Variants in ZNF385D observed in about 807,000 individuals in gnomAD.
The protein encoded by ZNF385D is zinc finger protein 385D.
ZNF385D carries 15 observed loss-of-function variants against 35.8 expected under a neutral mutation model. The ratio of observed to expected loss-of-function variants is 0.42; its 90% CI spans 0.28 to 0.64. The LOEUF (loss-of-function observed/expected upper bound fraction) is 0.64, where lower values mean the gene tolerates loss of function less well. ZNF385D is among the 30% of genes least tolerant of loss of function. The pLI is 0.23. For synonymous variants in ZNF385D, 212 were observed against 186.8 expected (o/e 1.13, Z -1.10); for missense variants, 474 against 494.6 (o/e 0.96, Z 0.39).
intron 2 of ZNF385D, among the ~76,000 whole-genome samples, chr3:21,613,269 T>C (rs999432434): frequency 2.7e-4 from 41 of 151,962 alleles, no homozygotes; most frequent in Admixed American, 3.3e-4. Flanking sequence ...CCATGAGCCC[T>C]ATTCTAAAAA....
chr3:21,569,922 A>AGGGGGG (rs1575210384), intron 2 of ZNF385D, among the ~76,000 whole-genome samples: 4 of 115,332 alleles, frequency 3.5e-5, no homozygotes, highest in South Asian at 3.3e-4. Flanking sequence ...GTGGGGGGGC[A>AGGGGGG]GGGAGGGATA....
intron 2 of ZNF385D, among the ~76,000 whole-genome samples, chr3:22,234,343 C>T (rs752457968): frequency 2.0e-5 from 3 of 152,086 alleles, no homozygotes; most frequent in Non-Finnish European, 4.4e-5. Context: ...CAAAGATCAC[C>T]CTAGTGCTTT....
chr3:22,021,375 A>T (rs536430012), intron 3 of ZNF385D, among the ~76,000 whole-genome samples: 2 of 152,124 alleles, frequency 1.3e-5, no homozygotes, highest in Non-Finnish European at 2.9e-5. Flanking sequence ...CCACAACACA[A>T]ATAGGCTTTC....
chr3:22,139,955 C>T (rs1378389384), intron 3 of ZNF385D, among the ~76,000 whole-genome samples: 1 of 152,152 alleles, frequency 6.6e-6, no homozygotes, highest in Non-Finnish European at 1.5e-5. Context: ...TGACAGGTTA[C>T]ATCAAGAACT....
At chr3:21,921,366 T>C (rs1266579333) in intron 3 of ZNF385D, among the ~76,000 whole-genome samples, 5 of 152,104 alleles carry the variant, frequency 3.3e-5, no homozygotes, top group Admixed American at 2.0e-4. Flanking sequence ...ACTATAGAAA[T>C]TGATGCTATT....
intron 3 of ZNF385D, among the ~76,000 whole-genome samples, chr3:22,097,469 A>T (rs964926153): frequency 1.3e-5 from 2 of 152,062 alleles, no homozygotes; most frequent in Non-Finnish European, 2.9e-5. Context: ...GGAAACTGGA[A>T]GAAATTGAGA....
intron 2 of ZNF385D, among the ~76,000 whole-genome samples, chr3:22,354,256 T>C (rs1696049976): frequency 6.6e-6 from 1 of 152,022 alleles, no homozygotes; most frequent in Non-Finnish European, 1.5e-5. Context: ...TCTCAGTTTC[T>C]TCAGTTTTTT....
At chr3:22,261,199 A>G (rs1320142972) in intron 2 of ZNF385D, among the ~76,000 whole-genome samples, 1 of 151,912 alleles carries the variant, frequency 6.6e-6, no homozygotes, top group African/African-American at 2.4e-5. Context: ...CCCCACCAAC[A>G]GCAAAGTTAA....
chr3:22,077,227 C>T (rs1295626987), intron 3 of ZNF385D, among the ~76,000 whole-genome samples: 1 of 151,828 alleles, frequency 6.6e-6, no homozygotes, highest in East Asian at 1.9e-4. Context: ...TACTCTTTTA[C>T]TGTATAATTG....
intron 2 of ZNF385D, among the ~76,000 whole-genome samples, chr3:22,271,249 A>C (rs1576593769): frequency 6.6e-6 from 1 of 152,048 alleles, no homozygotes; most frequent in African/African-American, 2.4e-5. Context: ...TTCATAGCAG[A>C]AAAAAGGATG....
At chr3:22,036,959 G>A (rs1049434439) in intron 3 of ZNF385D, among the ~76,000 whole-genome samples, 4 of 147,992 alleles carry the variant, frequency 2.7e-5, no homozygotes, top group East Asian at 2.0e-4. Flanking sequence ...GAGAACATGT[G>A]GTGTTTGGTT....
rs868001779 is a variant in ZNF385D, at chr3:22,243,836, G to C, written c.107-74801C>G. Among the ~76,000 whole-genome samples the C allele has an allele frequency of 1.3e-4, 19 of 150,714 alleles. 1 individual carries two copies. The highest frequency in any genetic ancestry group is 4.4e-4 in the African/African-American group (18 of 40,652). ...TGGTCAGTACTCCAGATATGTCAAG[G>C]GTGGAGCTCAGCACTCCATCCAAAG... On this transcript the variant is annotated intron_variant, in intron 2 of 5. Coordinates refer to the ZNF385D transcript ENST00000494108.
At chr3:21,750,780 T>A in intron 1 of ZNF385D, 115 bp downstream of exon 1, 1 of 1,315,364 alleles carries the variant, frequency 7.6e-7, no homozygotes, top group Non-Finnish European at 1.1e-6. Flanking sequence ...AGTTGCCAAC[T>A]GGAGGTAGGT....
chr3:21,868,126 G>A (rs1404557661), intron 3 of ZNF385D, among the ~76,000 whole-genome samples: 1 of 152,048 alleles, frequency 6.6e-6, no homozygotes, highest in East Asian at 1.9e-4. Flanking sequence ...TCACTATCAT[G>A]AGCAGCAGTT....
At chr3:21,452,739 T>C (rs899151495) in intron 4 of ZNF385D, among the ~76,000 whole-genome samples, 3 of 151,956 alleles carry the variant, frequency 2.0e-5, no homozygotes, top group Non-Finnish European at 4.4e-5. Context: ...CAGCCCATGT[T>C]TGATGGTTGG....
chr3:21,575,600 C>A (rs1213263608), intron 2 of ZNF385D, among the ~76,000 whole-genome samples: 2 of 152,144 alleles, frequency 1.3e-5, no homozygotes, highest in African/African-American at 2.4e-5. Context: ...AGTCCATCAT[C>A]CCCTGGCTAG....
intron 3 of ZNF385D, among the ~76,000 whole-genome samples, chr3:21,785,337 A>T (rs1443568908): frequency 6.6e-6 from 1 of 152,192 alleles, no homozygotes; most frequent in Non-Finnish European, 1.5e-5. Flanking sequence ...AGTTAAGCTT[A>T]TTCACATATT....
At chr3:22,353,239 A>C (rs1279073049) in intron 2 of ZNF385D, among the ~76,000 whole-genome samples, 1 of 151,832 alleles carries the variant, frequency 6.6e-6, no homozygotes, top group Non-Finnish European at 1.5e-5. Context: ...CTATTAGAAA[A>C]ATGGGGCCAT....
intron 2 of ZNF385D, among the ~76,000 whole-genome samples, chr3:22,282,084 G>C (rs1454924394): frequency 6.6e-6 from 1 of 152,002 alleles, no homozygotes; most frequent in African/African-American, 2.4e-5. Flanking sequence ...TGTGTTATCA[G>C]TTGTAATATA....
Sources: gnomAD v4.1 joint callset for allele counts (sites outside exome capture counted in the v4.1 genomes callset) on GRCh38, gnomAD v4.1.1 for gene constraint, MANE v1.5 for transcripts, NCBI Gene and HGNC (gene_info 2026-07-23, HGNC 2026-07-21) for gene names.